Variants in SORCS1 observed in about 807,000 individuals in gnomAD.
SORCS1 encodes the protein VPS10 domain-containing receptor SorCS1.
In SORCS1, 60 loss-of-function variants were observed where a neutral mutation model predicts 146.1. That is an observed-to-expected ratio of 0.41 (90% CI 0.33 to 0.51). SORCS1 has a LOEUF of 0.51. Ranked by LOEUF, SORCS1 falls within the 20% of genes least tolerant of loss-of-function variation. The pLI, the probability that SORCS1 is intolerant of heterozygous loss-of-function variation, is 0.21. For synonymous variants in SORCS1, 637 were observed against 584.0 expected (o/e 1.09, Z -1.31); for missense variants, 1,352 against 1,487.6 (o/e 0.91, Z 1.50).
chr10:106,782,650 G>C (rs1294198056), intron 3 of SORCS1, among the ~76,000 whole-genome samples: 2 of 152,162 alleles, frequency 1.3e-5, no homozygotes, highest in Non-Finnish European at 2.9e-5. Flanking sequence ...AAACGTATAG[G>C]ACATCTCTTC....
intron 2 of SORCS1, among the ~76,000 whole-genome samples, chr10:106,858,121 T>C (rs1949863816): frequency 6.6e-6 from 1 of 152,210 alleles, no homozygotes; most frequent in African/African-American, 2.4e-5. Context: ...AAAATTGACA[T>C]AAAAATATTT....
intron 1 of SORCS1, among the ~76,000 whole-genome samples, chr10:107,132,846 A>G (rs1347590300): frequency 6.6e-6 from 1 of 151,230 alleles, no homozygotes; most frequent in African/African-American, 2.5e-5. Flanking sequence ...CCCTTCTCAT[A>G]TATTTCAAAA....
At chr10:107,104,524 C>T (rs1008395326) in intron 1 of SORCS1, among the ~76,000 whole-genome samples, 2 of 152,132 alleles carry the variant, frequency 1.3e-5, no homozygotes, top group South Asian at 2.1e-4. Flanking sequence ...ACTGTACACA[C>T]GTGGACTGAG....
At chr10:107,084,448 C>T (rs1963609611) in intron 1 of SORCS1, among the ~76,000 whole-genome samples, 1 of 151,854 alleles carries the variant, frequency 6.6e-6, no homozygotes, top group African/African-American at 2.4e-5. Flanking sequence ...TTCTCAGTCT[C>T]AGAAGACAAA....
intron 16 of SORCS1, among the ~76,000 whole-genome samples, chr10:106,668,355 C>T (rs1851334436): frequency 6.6e-6 from 1 of 152,214 alleles, no homozygotes; most frequent in Non-Finnish European, 1.5e-5. Context: ...CGAGCATTCC[C>T]CTAAGGAAAT....
chr10:106,765,148 CT>C (rs1456420042), intron 4 of SORCS1, among the ~76,000 whole-genome samples: 1 of 151,646 alleles, frequency 6.6e-6, no homozygotes, highest in African/African-American at 2.4e-5. Context: ...CTGGTTATAT[CT>C]GCAATAAGAA....
At chr10:107,027,371 T>C (rs1958453277) in intron 1 of SORCS1, among the ~76,000 whole-genome samples, 1 of 152,052 alleles carries the variant, frequency 6.6e-6, no homozygotes, top group African/African-American at 2.4e-5. Flanking sequence ...AGCATCCATT[T>C]TCTCATTTAT....
At chr10:106,612,248 A>G (rs1202922375) in intron 21 of SORCS1, among the ~76,000 whole-genome samples, 3 of 152,072 alleles carry the variant, frequency 2.0e-5, no homozygotes, top group Admixed American at 2.0e-4. Context: ...AGAAGGTAGA[A>G]GAAAGAAGGA....
At chr10:106,824,069 C>T (rs993661164) in intron 3 of SORCS1, among the ~76,000 whole-genome samples, 13 of 151,976 alleles carry the variant, frequency 8.6e-5, no homozygotes, top group African/African-American at 1.5e-4. Flanking sequence ...TTTGGGAGGC[C>T]GAGGCGGGTG....
intron 9 of SORCS1, among the ~76,000 whole-genome samples, chr10:106,688,822 G>C (rs1275603446): frequency 6.6e-6 from 1 of 152,144 alleles, no homozygotes; most frequent in African/African-American, 2.4e-5. Flanking sequence ...AGGTCACACT[G>C]CCCAAGGGCA....
chr10:106,802,647 C>T (rs1035249762), intron 3 of SORCS1, among the ~76,000 whole-genome samples: 1 of 152,110 alleles, frequency 6.6e-6, no homozygotes, highest in Admixed American at 6.5e-5. Flanking sequence ...TACAGGCATG[C>T]CCCACCATGC....
At chr10:106,723,062 C>T (rs568285688) in intron 6 of SORCS1, among the ~76,000 whole-genome samples, 3 of 152,186 alleles carry the variant, frequency 2.0e-5, no homozygotes, top group Admixed American at 6.5e-5. Flanking sequence ...GGTGTGGTGG[C>T]TCATGCCTAT....
chr10:106,820,822 T>C (rs1219415890), intron 3 of SORCS1, among the ~76,000 whole-genome samples: 1 of 151,042 alleles, frequency 6.6e-6, no homozygotes, highest in African/African-American at 2.4e-5. Flanking sequence ...CCACAGGGAG[T>C]GTGCTGGAAG....
At chr10:107,080,940 A>G (rs922295523) in intron 1 of SORCS1, among the ~76,000 whole-genome samples, 1 of 152,186 alleles carries the variant, frequency 6.6e-6, no homozygotes, top group African/African-American at 2.4e-5. Context: ...TATATTTCTT[A>G]AGAGTTACTG....
rs576401378 is a variant in SORCS1 at position 106,918,663 on chromosome 10, G to C, written c.626+37850C>G. On this transcript the variant is annotated intron_variant, in intron 2 of 25. Transcript: ENST00000263054. ...CAGGGAATATTCAGTGGTCAAAAAA[G>C]CAAAAAACAAGCAATTATCTCCTCA... 2.8e-4 allele frequency among the ~76,000 whole-genome samples: 43 copies of C among 152,030 alleles called. 2 individuals carry two copies. In the South Asian group the frequency reaches 8.7e-3, roughly 31 times the overall value.
chr10:107,121,986 T>C (rs974796148), intron 1 of SORCS1, among the ~76,000 whole-genome samples: 2 of 152,114 alleles, frequency 1.3e-5, no homozygotes, highest in African/African-American at 4.8e-5. Flanking sequence ...CCTCCAAAAA[T>C]TAGTTTGGTG....
At chr10:106,772,552 C>T (rs967848554) in intron 4 of SORCS1, among the ~76,000 whole-genome samples, 1 of 151,914 alleles carries the variant, frequency 6.6e-6, no homozygotes, top group African/African-American at 2.4e-5. Context: ...CTTAATAATA[C>T]AACCACCTAG....
Position 107,130,743 on chromosome 10 carries a change from T to C in SORCS1, c.558+33226A>G, listed in dbSNP as rs1437964093. Among the ~76,000 whole-genome samples the C allele has an allele frequency of 3.3e-5, 5 of 152,178 alleles. No homozygotes were observed. The East Asian group carries it at 7.7e-4, about 23-fold the overall frequency. On this transcript the variant is annotated intron_variant, in intron 1 of 25. Transcript: ENST00000263054. ...CCTTCCTCGCAGAAAGTTTTCTTTT[T>C]TTTTTTTTAATCCTAGATTACTCTT...
chr10:107,161,690 C>CAA (rs11287858), intron 1 of SORCS1, among the ~76,000 whole-genome samples: 31 of 144,924 alleles, frequency 2.1e-4, no homozygotes, highest in African/African-American at 6.5e-4. Context: ...ACAAAACGGC[C>CAA]AAAAAAAAAA....
Sources: allele counts gnomAD v4.1 joint callset (sites outside exome capture counted in the v4.1 genomes callset), GRCh38; gene constraint gnomAD v4.1.1; transcripts MANE v1.5; gene names NCBI Gene and HGNC (gene_info 2026-07-23, HGNC 2026-07-21).